PDE1C: variants seen among roughly 807,000 people sequenced by gnomAD.
The protein encoded by PDE1C is dual specificity calcium/calmodulin-dependent 3',5'-cyclic nucleotide phosphodiesterase 1C.
PDE1C carries 62 observed loss-of-function variants against 93.1 expected under a neutral mutation model. The ratio of observed to expected loss-of-function variants is 0.67; its 90% CI spans 0.54 to 0.82. The LOEUF (loss-of-function observed/expected upper bound fraction) is 0.82, where lower values mean the gene tolerates loss of function less well. Among genes scored for constraint, PDE1C ranks in the 40% least tolerant of loss-of-function variants. The pLI, the probability that PDE1C is intolerant of heterozygous loss-of-function variation, is 0.00. For synonymous variants in PDE1C, 325 were observed against 310.1 expected (o/e 1.05, Z -0.50); for missense variants, 742 against 884.6 (o/e 0.84, Z 2.04).
intron 1 of PDE1C, among the ~76,000 whole-genome samples, chr7:32,361,159 G>A (rs1260793473): frequency 2.6e-5 from 4 of 152,136 alleles, no homozygotes; most frequent in African/African-American, 9.7e-5. Flanking sequence ...AGTTGGGGAA[G>A]CTGGGGTGAA....
At chr7:32,054,689 C>T (rs2128695201) in intron 1 of PDE1C, among the ~76,000 whole-genome samples, 1 of 152,262 alleles carries the variant, frequency 6.6e-6, no homozygotes. Flanking sequence ...CTGACACGCC[C>T]CTCGTTCATA....
chr7:32,065,292 G>A (rs1335036673), intron 1 of PDE1C, among the ~76,000 whole-genome samples: 1 of 152,140 alleles, frequency 6.6e-6, no homozygotes, highest in African/African-American at 2.4e-5. Context: ...ATTTTGGGCT[G>A]CCCGGAAGAC....
chr7:31,629,800 T>C, the PDE1C span, among the ~76,000 whole-genome samples: 1 of 152,240 alleles, frequency 6.6e-6, no homozygotes, highest in East Asian at 1.9e-4. Context: ...ACACTTCAGA[T>C]AAGAAAGGCC....
At chr7:32,224,680 C>T (rs1807125297) in intron 1 of PDE1C, among the ~76,000 whole-genome samples, 2 of 152,156 alleles carry the variant, frequency 1.3e-5, no homozygotes, top group Admixed American at 6.5e-5. Flanking sequence ...CTTCACTGAG[C>T]ACGTGTGCGA....
intron 1 of PDE1C, among the ~76,000 whole-genome samples, chr7:32,231,312 T>C (rs182884107): frequency 1.3e-5 from 2 of 152,020 alleles, no homozygotes; most frequent in African/African-American, 4.8e-5. Context: ...AATGCCAACA[T>C]AAATACACAC....
intron 2 of PDE1C, among the ~76,000 whole-genome samples, chr7:31,997,879 T>C (rs1420850591): frequency 1.3e-5 from 2 of 152,186 alleles, no homozygotes; most frequent in Non-Finnish European, 2.9e-5. Flanking sequence ...CTCTGCATCA[T>C]AGAGCACGGG....
chr7:31,876,709 T>C (rs534692406), intron 5 of PDE1C, among the ~76,000 whole-genome samples: 29 of 152,310 alleles, frequency 1.9e-4, no homozygotes, highest in Non-Finnish European at 3.1e-4. Context: ...ATGGGAAATA[T>C]CACTGTACAT....
At chr7:31,744,261 A>C in the PDE1C span, among the ~76,000 whole-genome samples, 1 of 150,256 alleles carries the variant, frequency 6.7e-6, no homozygotes, top group Non-Finnish European at 1.5e-5. Context: ...TATGTAGACA[A>C]ACACACACAC....
At chr7:32,286,704 A>T (rs1415761503) in intron 1 of PDE1C, among the ~76,000 whole-genome samples, 1 of 152,188 alleles carries the variant, frequency 6.6e-6, no homozygotes, top group African/African-American at 2.4e-5. Context: ...ATATACAATT[A>T]AGTTTTAAAA....
intron 1 of PDE1C, chr7:32,052,208 GA>G (rs1179904580): frequency 2.3e-6 from 1 of 441,494 alleles, no homozygotes; most frequent in African/African-American, 2.0e-5. Flanking sequence ...CAAATGTTGA[GA>G]ACCAGCATTA....
intron 3 of PDE1C, among the ~76,000 whole-genome samples, chr7:32,152,006 G>A (rs1464027073): frequency 1.3e-5 from 2 of 152,144 alleles, no homozygotes; most frequent in Admixed American, 6.5e-5. Context: ...ACTTCACTAT[G>A]CAGAATCATT....
rs114960283 is a variant in PDE1C at position 32,022,624 on chromosome 7, G to A, written c.128+28930C>T. 5.2e-3 allele frequency among the ~76,000 whole-genome samples: 797 copies of A among 152,098 alleles called. 7 individuals are homozygous for A. Among genetic ancestry groups the A allele is most frequent in the African/African-American group, 0.018 (765 of 41,502 alleles). ...TAATTATTCAGAATATCATTTGAATGAATGAATAAATGAACAAACAAATGA... is the reference window on the plus strand; with the variant it reads ...TAATTATTCAGAATATCATTTGAATAAATGAATAAATGAACAAACAAATGA... On this transcript the variant is annotated intron_variant, in intron 2 of 17. Transcript: ENST00000396191.
At chr7:31,734,630 A>C in the PDE1C span, among the ~76,000 whole-genome samples, 1 of 152,176 alleles carries the variant, frequency 6.6e-6, no homozygotes, top group Non-Finnish European at 1.5e-5. Context: ...TGTGTCTTAA[A>C]ACTGTTTCGT....
chr7:31,740,311 CT>C, the PDE1C span, among the ~76,000 whole-genome samples: 3 of 152,160 alleles, frequency 2.0e-5, no homozygotes. Flanking sequence ...ACTAATGTTT[CT>C]TTTTTTCCAA....
chr7:32,055,824 G>A (rs1303725899), intron 1 of PDE1C, among the ~76,000 whole-genome samples: 1 of 152,136 alleles, frequency 6.6e-6, no homozygotes, highest in African/African-American at 2.4e-5. Context: ...GGGTTCAAGC[G>A]ATTCTCCTGC....
intron 2 of PDE1C, among the ~76,000 whole-genome samples, chr7:31,943,941 G>A (rs1321843021): frequency 6.6e-6 from 1 of 152,092 alleles, no homozygotes; most frequent in African/African-American, 2.4e-5. Context: ...AACCAAGTAA[G>A]ACAAAATTCA....
At chr7:31,674,418 T>C in the PDE1C span, among the ~76,000 whole-genome samples, 2 of 152,148 alleles carry the variant, frequency 1.3e-5, no homozygotes, top group East Asian at 3.8e-4. Flanking sequence ...GAAATTTACA[T>C]AACGAAATGT....
intron 2 of PDE1C, among the ~76,000 whole-genome samples, chr7:32,028,708 G>T (rs979096130): frequency 2.0e-5 from 3 of 151,958 alleles, no homozygotes; most frequent in Non-Finnish European, 4.4e-5. Context: ...TGGTAAGAAC[G>T]TTAGAAATTT....
At chr7:31,844,433 C>T (rs1792293059) in intron 9 of PDE1C, among the ~76,000 whole-genome samples, 1 of 151,558 alleles carries the variant, frequency 6.6e-6, no homozygotes, top group South Asian at 2.1e-4. Context: ...ATGTAGCATC[C>T]TGTGTTGGCT....
Sources: allele counts gnomAD v4.1 joint callset (sites outside exome capture counted in the v4.1 genomes callset), GRCh38; gene constraint gnomAD v4.1.1; transcripts MANE v1.5; gene names NCBI Gene and HGNC (gene_info 2026-07-23, HGNC 2026-07-21).